Variants in SLC39A9 observed in about 807,000 individuals in gnomAD.
The protein encoded by SLC39A9 is solute carrier family 39 member 9.
In SLC39A9, 14 loss-of-function variants were observed where a neutral mutation model predicts 28.4. That is an observed-to-expected ratio of 0.49 (90% CI 0.33 to 0.77). SLC39A9 has a LOEUF of 0.77. Among genes scored for constraint, SLC39A9 ranks in the 30% least tolerant of loss-of-function variants. SLC39A9 has a pLI of 0.02. For synonymous variants in SLC39A9, 119 were observed against 149.6 expected (o/e 0.80, Z 1.49); for missense variants, 283 against 381.1 (o/e 0.74, Z 2.14).
chr14:69,439,647 T>C (rs1884947733), intron 2 of SLC39A9, among the ~76,000 whole-genome samples: 1 of 152,170 alleles, frequency 6.6e-6, no homozygotes, highest in Non-Finnish European at 1.5e-5. Context: ...AGGCGGGGCC[T>C]GGTGGGAGGT....
intron 1 of SLC39A9, among the ~76,000 whole-genome samples, chr14:69,405,272 A>G (rs1399571236): frequency 1.3e-5 from 2 of 152,224 alleles, no homozygotes; most frequent in Non-Finnish European, 2.9e-5. Flanking sequence ...TTACCCGCAA[A>G]TCAAAGGTTT....
intron 1 of SLC39A9, 71 bp downstream of exon 1, chr14:69,399,536 G>A (rs909067041): frequency 2.9e-5 from 35 of 1,221,774 alleles, no homozygotes; most frequent in Non-Finnish European, 1.2e-5. Flanking sequence ...GCAAAGGGAA[G>A]CTGCTTCCCT....
intron 1 of SLC39A9, among the ~76,000 whole-genome samples, chr14:69,401,539 CT>C (rs1300283974): frequency 6.6e-6 from 1 of 152,088 alleles, no homozygotes; most frequent in Non-Finnish European, 1.5e-5. Context: ...TATAAAATGC[CT>C]TTAACTTTAC....
intron 1 of SLC39A9, among the ~76,000 whole-genome samples, chr14:69,420,402 C>G (rs1883817812): frequency 6.6e-6 from 1 of 152,148 alleles, no homozygotes; most frequent in African/African-American, 2.4e-5. Flanking sequence ...TGTGGGTAAC[C>G]TGACCTTTCT....
chr14:69,441,931 T>G, intron 2 of SLC39A9, 138 bp from the exon 3 acceptor site: 1 of 1,421,532 alleles, frequency 7.0e-7, no homozygotes, highest in Non-Finnish European at 9.1e-7. Flanking sequence ...AGTTAATGAT[T>G]GGCTGGATTA....
At chr14:69,443,231 T>C (rs1258834397) in intron 3 of SLC39A9, among the ~76,000 whole-genome samples, 5 of 152,242 alleles carry the variant, frequency 3.3e-5, no homozygotes, top group African/African-American at 9.6e-5. Context: ...TTTTCAGATA[T>C]GTCAGCAGGG....
At chr14:69,418,850 T>G (rs1003400592) in intron 1 of SLC39A9, among the ~76,000 whole-genome samples, 3 of 152,246 alleles carry the variant, frequency 2.0e-5, no homozygotes, top group Non-Finnish European at 2.9e-5. Flanking sequence ...GGATCAGTGG[T>G]GATATCCCCT....
At chr14:69,407,302 C>CCCTTCCTTCCTTCCTTCCTT (rs774804877) in intron 1 of SLC39A9, among the ~76,000 whole-genome samples, 3 of 143,820 alleles carry the variant, frequency 2.1e-5, no homozygotes, top group African/African-American at 7.6e-5. Context: ...TCCCTTCCTT[C>CCCTTCCTTCCTTCCTTCCTT]CCTTCCTTCC....
intron 1 of SLC39A9, among the ~76,000 whole-genome samples, chr14:69,403,819 G>A (rs991622431): frequency 1.3e-5 from 2 of 152,094 alleles, no homozygotes; most frequent in Non-Finnish European, 2.9e-5. Context: ...CGAGGCAGGC[G>A]AATCATCTGA....
chr14:69,414,153 C>G (rs985988280), intron 1 of SLC39A9, among the ~76,000 whole-genome samples: 1 of 151,190 alleles, frequency 6.6e-6, no homozygotes, highest in African/African-American at 2.4e-5. Context: ...TAGGTTCAAG[C>G]GATTCTCTCT....
intron 1 of SLC39A9, among the ~76,000 whole-genome samples, chr14:69,423,011 A>G (rs1303124150): frequency 6.6e-6 from 1 of 152,254 alleles, no homozygotes; most frequent in African/African-American, 2.4e-5. Flanking sequence ...CCACAGAAGA[A>G]TTTTAGCATT....
chr14:69,442,348 A>G (rs1885089372), intron 3 of SLC39A9, 82 bp downstream of exon 3: 2 of 1,320,228 alleles, frequency 1.5e-6, no homozygotes, highest in South Asian at 1.3e-5. Context: ...TTCAGTCTGT[A>G]TCAGTGGCCA....
Position 69,461,652 on chromosome 14 carries a change from C to G in SLC39A9, c.*3059C>G, listed in dbSNP as rs2139468625. ...AAATGTGATTGTGTTTTTTTTTTAC[C>G]AGCCTACTTCTAAGTGTCACTGCCT... is the stretch of plus-strand genomic sequence containing the variant. On this transcript the variant is annotated 3_prime_UTR_variant, in exon 7 of 7. Transcript: ENST00000336643. 2 of 1,529,884 alleles carry G rather than the reference C, an allele frequency of 1.3e-6. No individual in the cohort carries two copies. The highest frequency in any genetic ancestry group is 4.9e-5 in the East Asian group (2 of 40,872). 94.8% of individuals were successfully genotyped at this position (1,529,884 alleles called of 1,614,324 possible).
At chr14:69,427,154 C>T (rs535753204) in intron 2 of SLC39A9, among the ~76,000 whole-genome samples, 6 of 152,022 alleles carry the variant, frequency 3.9e-5, no homozygotes, top group South Asian at 2.1e-4. Flanking sequence ...AGGCTCATGA[C>T]ACCACACCCA....
chr14:69,460,183 G>A lies in SLC39A9; in HGVS notation c.*1590G>A. 1 of 985,782 alleles carries A rather than the reference G, an allele frequency of 1.0e-6. No individual in the cohort carries two copies. 61.1% of individuals were successfully genotyped at this position (985,782 alleles called of 1,614,324 possible). The stretch of plus-strand genomic sequence containing the variant: ...GGGAACCAAGACTAGTTTCTTCAGG[G>A]CAGTGGACGTAGTAGTTTGTAAAAA... On this transcript the variant is annotated 3_prime_UTR_variant, in exon 7 of 7. Coordinates refer to ENST00000336643, the MANE Select transcript of SLC39A9 (RefSeq NM_018375.5).
At chr14:69,455,040 T>C in intron 5 of SLC39A9, 143 bp downstream of exon 5, 1 of 617,986 alleles carries the variant, frequency 1.6e-6, no homozygotes, top group South Asian at 2.6e-5. Context: ...ATAAATCTGT[T>C]CATAGCTTCT....
At chr14:69,418,435 T>G (rs1566911236) in intron 1 of SLC39A9, among the ~76,000 whole-genome samples, 1 of 152,250 alleles carries the variant, frequency 6.6e-6, no homozygotes, top group East Asian at 1.9e-4. Flanking sequence ...AATTCTCTTT[T>G]TTGTTGTTGT....
chr14:69,414,192 T>G (rs1883445345), intron 1 of SLC39A9, among the ~76,000 whole-genome samples: 1 of 152,142 alleles, frequency 6.6e-6, no homozygotes, highest in African/African-American at 2.4e-5. Flanking sequence ...GGACTACAGT[T>G]GTGCACCATC....
At chr14:69,448,394 G>A (rs991384154) in intron 3 of SLC39A9, among the ~76,000 whole-genome samples, 1 of 152,042 alleles carries the variant, frequency 6.6e-6, no homozygotes, top group Non-Finnish European at 1.5e-5. Flanking sequence ...CAATGTCCAG[G>A]ATATAATTCA....
Sources: gnomAD v4.1 joint callset for allele counts (sites outside exome capture counted in the v4.1 genomes callset) on GRCh38, gnomAD v4.1.1 for gene constraint, MANE v1.5 for transcripts, NCBI Gene and HGNC (gene_info 2026-07-23, HGNC 2026-07-21) for gene names.